SPATA31H1: variants seen among roughly 807,000 people sequenced by gnomAD.
The protein encoded by SPATA31H1 is spermatogenesis-associated protein 31H1.
chr2:27,544,166 T>C, the SPATA31H1 span, among the ~76,000 whole-genome samples: 4 of 152,072 alleles, frequency 2.6e-5, no homozygotes, highest in Non-Finnish European at 5.9e-5. Context: ...TTTCTACATA[T>C]TTATGTAATA....
At chr2:27,556,700 T>A in the SPATA31H1 span, among the ~76,000 whole-genome samples, 112 of 124,858 alleles carry the variant, frequency 9.0e-4, no homozygotes, top group South Asian at 5.9e-3. Flanking sequence ...ATATTTTTTT[T>A]TTTTTAATTA....
chr2:27,538,563 G>A, the SPATA31H1 span, among the ~76,000 whole-genome samples: 15 of 152,184 alleles, frequency 9.9e-5, no homozygotes, highest in Non-Finnish European at 2.2e-4. Flanking sequence ...CGGGCGTGGT[G>A]GCTCTCGCCT....
the SPATA31H1 span, chr2:27,566,305 G>A: frequency 1.8e-5 from 13 of 717,314 alleles, no homozygotes; most frequent in East Asian, 3.2e-4. Flanking sequence ...AGAACTCCCT[G>A]TGGGCTGGAC....
the SPATA31H1 span, among the ~76,000 whole-genome samples, chr2:27,558,768 G>C: frequency 4.1e-5 from 4 of 97,642 alleles, no homozygotes; most frequent in Non-Finnish European, 6.3e-5. Context: ...AGGCGTGGCG[G>C]TGCGCGCCTG....
the SPATA31H1 span, among the ~76,000 whole-genome samples, chr2:27,552,533 C>T: frequency 6.6e-6 from 1 of 151,946 alleles, no homozygotes; most frequent in Admixed American, 6.6e-5. Flanking sequence ...AGTCCTCCAA[C>T]TTTGTTCTTT....
the SPATA31H1 span, among the ~76,000 whole-genome samples, chr2:27,545,603 T>G: frequency 2.1e-5 from 3 of 143,804 alleles, no homozygotes; most frequent in African/African-American, 2.7e-5. Flanking sequence ...TGAGACGGAG[T>G]CTTGCTCTGT....
At chr2:27,580,657 A>T in the SPATA31H1 span, 1 of 1,614,232 alleles carries the variant, frequency 6.2e-7, no homozygotes, top group South Asian at 1.1e-5. Flanking sequence ...CGGGCATTCC[A>T]AACAGCACAC....
chr2:27,577,118 C>T, the SPATA31H1 span: 1 of 1,614,038 alleles, frequency 6.2e-7, no homozygotes, highest in Non-Finnish European at 8.5e-7. This position sits in a 1 kb window ranked among gnomAD's most constrained non-coding sequence, Gnocchi z 4.5. Flanking sequence ...TGGGGTTGAC[C>T]CCAAAGCTAA....
chr2:27,573,974 T>G, the SPATA31H1 span: 2 of 398,526 alleles, frequency 5.0e-6, no homozygotes, highest in Middle Eastern at 1.3e-3. Context: ...TCAAATCTTC[T>G]AAGTTGAACC....
At chr2:27,540,162 C>T in the SPATA31H1 span, among the ~76,000 whole-genome samples, 1 of 119,638 alleles carries the variant, frequency 8.4e-6, no homozygotes, top group Non-Finnish European at 1.8e-5. Context: ...CACCTCCCTC[C>T]CGGACGGGGC....
the SPATA31H1 span, chr2:27,581,657 CAGTCCCTCTCAGAGGAGCCATCGT>C: frequency 6.2e-7 from 1 of 1,613,346 alleles, no homozygotes; most frequent in East Asian, 2.2e-5. Flanking sequence ...GAAGACATCG[CAGTCCCTCTCAGAGGAGCCATCGT>C]GGTCCCTCTG....
the SPATA31H1 span, among the ~76,000 whole-genome samples, chr2:27,556,293 T>A: frequency 6.6e-6 from 1 of 151,842 alleles, no homozygotes; most frequent in Non-Finnish European, 1.5e-5. Flanking sequence ...CCTTTTTTTT[T>A]TTTTTAATAG....
At chr2:27,575,373 A>G in the SPATA31H1 span, 1 of 398,554 alleles carries the variant, frequency 2.5e-6, no homozygotes, top group African/African-American at 2.1e-5. The surrounding 1 kb of genome is among the most constrained non-coding windows in gnomAD (Gnocchi z 4.1). Context: ...TCTGCAACAT[A>G]GAAAATCTTC....
At chr2:27,578,917 T>A in the SPATA31H1 span, 1 of 1,614,188 alleles carries the variant, frequency 6.2e-7, no homozygotes, top group Non-Finnish European at 8.5e-7. Context: ...GAGACCTATA[T>A]AGACCCTACT....
the SPATA31H1 span, chr2:27,574,039 T>G: frequency 2.5e-6 from 1 of 398,290 alleles, no homozygotes; most frequent in East Asian, 3.6e-5. Flanking sequence ...AGTTCACAAT[T>G]GAAAGATATC....
chr2:27,542,829 G>A, the SPATA31H1 span, among the ~76,000 whole-genome samples: 1 of 152,008 alleles, frequency 6.6e-6, no homozygotes, highest in Non-Finnish European at 1.5e-5. Flanking sequence ...GGGAGTGGTG[G>A]CTCATGCCTG....
the SPATA31H1 span, chr2:27,568,016 A>C: frequency 2.5e-6 from 1 of 399,032 alleles, no homozygotes; most frequent in Non-Finnish European, 4.4e-6. Context: ...CAATGGAGGC[A>C]GCCCCAAGGT....
chr2:27,574,383 G>A, the SPATA31H1 span: 2 of 398,396 alleles, frequency 5.0e-6, no homozygotes, highest in Admixed American at 8.8e-5. Flanking sequence ...GTTACAAAGT[G>A]AGAAATCTGA....
chr2:27,582,279 A>G, the SPATA31H1 span: 5 of 1,613,992 alleles, frequency 3.1e-6, no homozygotes, highest in African/African-American at 5.3e-5. Context: ...GAGCCATCGC[A>G]GTTCCTGTGA....
Sources: allele counts gnomAD v4.1 joint callset (sites outside exome capture counted in the v4.1 genomes callset), GRCh38; gene constraint gnomAD v4.1.1; non-coding constraint Gnocchi (gnomAD v3.1); transcripts MANE v1.5; gene names NCBI Gene and HGNC (gene_info 2026-07-23, HGNC 2026-07-21).